KDM5B: variants seen among roughly 807,000 people sequenced by gnomAD.
KDM5B encodes the protein lysine demethylase 5B, also known as lysine-specific demethylase 5B.
A neutral mutation model predicts 193.4 loss-of-function variants in KDM5B; 144 were observed. The ratio of observed to expected loss-of-function variants is 0.74; its 90% confidence interval spans 0.65 to 0.86. The LOEUF (loss-of-function observed/expected upper bound fraction) is 0.86. Among genes scored for constraint, KDM5B ranks in the 40% least tolerant of loss-of-function variants. The pLI, the probability that KDM5B is intolerant of heterozygous loss-of-function variation, is 0.00. For synonymous variants in KDM5B, 668 were observed against 682.6 expected (o/e 0.98, Z 0.33); for missense variants, 1,833 against 1,886.9 (o/e 0.97, Z 0.53).
At chr1:202,789,238 C>A (rs890462571) in intron 1 of KDM5B, among the ~76,000 whole-genome samples, 1 of 152,100 alleles carries the variant, frequency 6.6e-6, no homozygotes, top group African/African-American at 2.4e-5. Flanking sequence ...GAAAGAAGGG[C>A]CGGGCACAGT....
At chr1:202,801,623 AT>A (rs1491150266) in intron 1 of KDM5B, among the ~76,000 whole-genome samples, 3 of 47,746 alleles carry the variant, frequency 6.3e-5, no homozygotes, top group Non-Finnish European at 1.9e-4. Flanking sequence ...TTTTCATTTA[AT>A]TTTTATTTAC....
Position 202,746,330 on chromosome 1 carries a change from T to A in KDM5B, c.2017-7A>T, listed in dbSNP as rs754904233. ...TTTCCGAATCAATCACTCCCTAGAA[T>A]AAAGTATACTTTAGAGAGACCTCCA... On this transcript the variant is annotated splice_polypyrimidine_tract_variant and splice_region_variant and intron_variant, in intron 14 of 26. Transcript: ENST00000367265. The A allele has an allele frequency of 1.9e-6, 3 of 1,586,874 alleles. No individual in the cohort carries two copies. Among genetic ancestry groups the A allele is most frequent in the Non-Finnish European group, 2.6e-6 (3 of 1,167,192 alleles).
Position 202,774,721 on chromosome 1 carries a change from T to C in KDM5B, c.297A>G (p.Val99=), listed in dbSNP as rs1195414939. ...RLNELEAQTR[V]KLNFLDQIAK... is the part of the protein sequence containing the mutation. ...CAATCTGGTCCAAGAAATTCAATTTTACACGAGTTTGGGCCTAAAAGACAA... is the reference window on the plus strand; with the variant it reads ...CAATCTGGTCCAAGAAATTCAATTTCACACGAGTTTGGGCCTAAAAGACAA... The change falls in exon 3 of 27, where the codon GTA becomes GTG. Residue 99 remains valine (V), a synonymous_variant. Coordinates refer to ENST00000367265, the MANE Select transcript of KDM5B (RefSeq NM_006618.5). 1.2e-6 allele frequency: 2 copies of C among 1,613,480 alleles called. No homozygotes were observed. The highest frequency in any genetic ancestry group is 1.7e-6 in the Non-Finnish European group (2 of 1,179,678).
In KDM5B at chr1:202,777,351, TA is replaced by T. The variant is rs147335949; in HGVS notation, c.205-258del. On this transcript the variant is annotated intron_variant, in intron 1 of 26. Transcript: ENST00000367265. ...CCACTGAGCAATGTCATTGAGCCTG[TA>T]AAAAAAAAAAAAAAAAAAACACTCA... 4.2e-3 allele frequency among the ~76,000 whole-genome samples: 541 copies of T among 128,642 alleles called. 3 individuals are homozygous for T. Among genetic ancestry groups the T allele is most frequent in the East Asian group, 0.031 (142 of 4,592 alleles). The allele number at this position is 128,642 out of a possible 152,430, so 84.4% of individuals were successfully genotyped here. A position where few individuals can be genotyped will look rare whatever the true frequency, so the allele number is the denominator to read the frequency against.
intron 25 of KDM5B, 122 bp from the exon 26 acceptor site, chr1:202,730,149 A>C (rs1280146512): frequency 5.7e-6 from 5 of 880,624 alleles, no homozygotes; most frequent in Non-Finnish European, 8.5e-6. Flanking sequence ...CGGGAAAAAA[A>C]TACTGCATCT....
chr1:202,801,578 T>C (rs1041991284), intron 1 of KDM5B, among the ~76,000 whole-genome samples: 2 of 152,190 alleles, frequency 1.3e-5, no homozygotes, highest in Non-Finnish European at 2.9e-5. Flanking sequence ...AAAAGAAACA[T>C]TTCTGAATGA....
chr1:202,798,214 T>C (rs772408176), intron 1 of KDM5B, among the ~76,000 whole-genome samples: 1 of 151,704 alleles, frequency 6.6e-6, no homozygotes, highest in Admixed American at 6.6e-5. Context: ...AAAATAAAGA[T>C]TCAGGGACAG....
intron 3 of KDM5B, among the ~76,000 whole-genome samples, chr1:202,773,597 G>A (rs920858694): frequency 2.0e-5 from 3 of 152,076 alleles, no homozygotes; most frequent in Non-Finnish European, 2.9e-5. Flanking sequence ...ACCAAAGAAG[G>A]GACTGTAATA....
chr1:202,763,818 T>C (rs1450194646), intron 6 of KDM5B, among the ~76,000 whole-genome samples: 1 of 152,224 alleles, frequency 6.6e-6, no homozygotes. Flanking sequence ...CTAATATGCA[T>C]ACATATAGTT....
rs146321425 is a variant in KDM5B, at chr1:202,746,467, C to CA, written c.2017-145dup. On this transcript the variant is annotated intron_variant, in intron 14 of 26. Transcript: ENST00000367265. ...TGCATGATTAAAAATGTGTGGCATACAAAGAAACAAATGACCTAGCAAATA... is the reference window on the plus strand; with the variant it reads ...TGCATGATTAAAAATGTGTGGCATACAAAAGAAACAAATGACCTAGCAAATA... 1.5e-3 allele frequency: 809 copies of CA among 548,086 alleles called. 3 individuals carry two copies. The highest frequency in any genetic ancestry group is 0.011 in the African/African-American group (560 of 52,548). The allele number at this position is 548,086 out of a possible 1,614,324, so 34.0% of individuals were successfully genotyped here.
At chr1:202,758,713 A>G (rs1656119592) in intron 8 of KDM5B, among the ~76,000 whole-genome samples, 2 of 152,248 alleles carry the variant, frequency 1.3e-5, no homozygotes, top group Admixed American at 6.5e-5. Context: ...TTTGCTAATG[A>G]GCAAATAAAA....
In KDM5B at chr1:202,760,436, C is replaced by T. The variant is rs538618925; in HGVS notation, c.1056G>A (p.Arg352=). The T allele has an allele frequency of 1.2e-6, 2 of 1,609,334 alleles. No homozygotes were observed. The highest frequency in any genetic ancestry group is 1.7e-5 in the Admixed American group (1 of 59,424). ...PLHDVPKGDW[R]CPKCLAQECS... Reference sequence around the variant, plus strand: ...TTACCTGAGCCAAACACTTAGGACACCTCCAGTCTCCCTTGGGAACATCAT... The same window carrying T: ...TTACCTGAGCCAAACACTTAGGACATCTCCAGTCTCCCTTGGGAACATCAT... The change falls in exon 8 of 27, where the codon AGG becomes AGA. Residue 352 remains arginine, a synonymous_variant. Transcript: ENST00000367265.
intron 20 of KDM5B, among the ~76,000 whole-genome samples, chr1:202,740,460 A>ACC (rs1655283884): frequency 9.7e-6 from 1 of 103,504 alleles, no homozygotes; most frequent in Non-Finnish European, 2.0e-5. Context: ...CGGGGGGCTG[A>ACC]CCCCCTCACC....
rs1479376043 is a variant in KDM5B, at chr1:202,733,405, T to C, written c.3905A>G (p.Asn1302Ser). 1 of 1,610,052 alleles carries C rather than the reference T, an allele frequency of 6.2e-7. No homozygotes were observed. The highest frequency in any genetic ancestry group is 1.7e-5 in the Admixed American group (1 of 59,912). Residue 1302 changes from asparagine (N) to serine (S), a missense_variant, in exon 23 of 27, where the codon AAC (asparagine) becomes AGC (serine). Asn to Ser is a conservative substitution (Grantham distance 46, BLOSUM62 1). Transcript: ENST00000367265. ...ACAAGGAAAGTCCAGATTCACCTTG[T>C]TTGTGTCTGACACCTGTCCTGCTGA... The part of the protein sequence containing the change: ...QASAGQVSDT[N>S]KVSQPPGTTS...
At chr1:202,805,952 T>C (rs901710548) in intron 1 of KDM5B, among the ~76,000 whole-genome samples, 1 of 152,228 alleles carries the variant, frequency 6.6e-6, no homozygotes, top group African/African-American at 2.4e-5. Context: ...GTTGTATTTG[T>C]AGATTATTGG....
intron 9 of KDM5B, among the ~76,000 whole-genome samples, chr1:202,758,139 T>C (rs887834412): frequency 2.6e-5 from 4 of 152,232 alleles, no homozygotes; most frequent in Non-Finnish European, 5.9e-5. Context: ...ATTTTCTTTA[T>C]TAGTGTTCTA....
intron 25 of KDM5B, 44 bp downstream of exon 25, chr1:202,730,865 C>G (rs1301689811): frequency 1.3e-6 from 2 of 1,535,338 alleles, no homozygotes; most frequent in Admixed American, 2.0e-5. Flanking sequence ...AGCATACCCC[C>G]ACCCCAGACT....
intron 1 of KDM5B, among the ~76,000 whole-genome samples, chr1:202,793,041 G>GAGA (rs1657705386): frequency 1.3e-5 from 2 of 151,304 alleles, no homozygotes; most frequent in Non-Finnish European, 2.9e-5. Context: ...AGATGAAAGA[G>GAGA]AGAAGCAGGC....
intron 8 of KDM5B, among the ~76,000 whole-genome samples, chr1:202,759,550 C>CAAAAAAAAAAAAA (rs67515433): frequency 8.6e-6 from 1 of 115,800 alleles, no homozygotes; most frequent in Non-Finnish European, 1.7e-5. Context: ...GATCCTGTCT[C>CAAAAAAAAAAAAA]AAAAAAAAAA....
Sources: allele counts gnomAD v4.1 joint callset (sites outside exome capture counted in the v4.1 genomes callset), GRCh38; gene constraint gnomAD v4.1.1; transcripts MANE v1.5; gene names NCBI Gene and HGNC (gene_info 2026-07-23, HGNC 2026-07-21).